Variants in NDNF observed in about 807,000 individuals in gnomAD.
NDNF encodes neuron derived neurotrophic factor, also known as protein NDNF.
In NDNF, 16 loss-of-function variants were observed where a neutral mutation model predicts 42.0. The observed-to-expected ratio is 0.38, with a 90% CI of 0.26 to 0.58. The LOEUF is 0.58. Ranked by LOEUF, NDNF falls within the 20% of genes least tolerant of loss-of-function variation. The pLI, the probability that NDNF is intolerant of heterozygous loss-of-function variation, is 0.67. For synonymous variants in NDNF, 248 were observed against 251.7 expected (o/e 0.99, Z 0.14); for missense variants, 616 against 666.2 (o/e 0.92, Z 0.83).
intron 1 of NDNF, among the ~76,000 whole-genome samples, chr4:121,065,947 TAATTA>T (rs1352466132): frequency 6.6e-6 from 1 of 152,040 alleles, no homozygotes; most frequent in East Asian, 1.9e-4. Flanking sequence ...AAATATAAAT[TAATTA>T]ATGTAAAAGT....
At chr4:121,043,620 T>C (rs1443067255) in intron 2 of NDNF, among the ~76,000 whole-genome samples, 1 of 151,724 alleles carries the variant, frequency 6.6e-6, no homozygotes, top group East Asian at 1.9e-4. Flanking sequence ...AAGTGTAATT[T>C]CTAAAACAGC....
At chr4:121,062,561 T>C (rs1420438927) in intron 1 of NDNF, among the ~76,000 whole-genome samples, 1 of 152,194 alleles carries the variant, frequency 6.6e-6, no homozygotes, top group Non-Finnish European at 1.5e-5. Context: ...GATGAAATAA[T>C]ACAAGCATGT....
intron 3 of NDNF, 166 bp from the exon 4 acceptor site, chr4:121,037,823 T>C (rs1726905814): frequency 1.9e-6 from 1 of 534,130 alleles, no homozygotes; most frequent in African/African-American, 1.9e-5. Context: ...TTGACCATTA[T>C]ACATAATGTT....
intron 1 of NDNF, among the ~76,000 whole-genome samples, chr4:121,051,298 T>C (rs1727190013): frequency 6.6e-6 from 1 of 152,196 alleles, no homozygotes; most frequent in African/African-American, 2.4e-5. Context: ...TTTTTATTGT[T>C]CTGCAAGGAG....
intron 2 of NDNF, among the ~76,000 whole-genome samples, chr4:121,044,989 C>G (rs1160183736): frequency 6.6e-6 from 1 of 152,206 alleles, no homozygotes; most frequent in East Asian, 1.9e-4. Flanking sequence ...AATGCAAACT[C>G]TTGAAGAATC....
intron 1 of NDNF, among the ~76,000 whole-genome samples, chr4:121,053,928 ATTTAGCTAAGATGGAG>A (rs1727242506): frequency 6.6e-6 from 1 of 152,214 alleles, no homozygotes; most frequent in African/African-American, 2.4e-5. Context: ...CTCTACTGAA[ATTTAGCTAAGATGGAG>A]CATGGCAGCG....
intron 2 of NDNF, among the ~76,000 whole-genome samples, chr4:121,040,745 C>T (rs922519126): frequency 3.3e-5 from 5 of 152,280 alleles, no homozygotes; most frequent in Admixed American, 6.5e-5. Flanking sequence ...TGGGCTCAAA[C>T]GATCCTCCCA....
At chr4:121,044,661 A>G (rs1727057665) in intron 2 of NDNF, among the ~76,000 whole-genome samples, 1 of 152,178 alleles carries the variant, frequency 6.6e-6, no homozygotes, top group Non-Finnish European at 1.5e-5. Context: ...TTGAAGAAAT[A>G]TTATACTCAT....
intron 1 of NDNF, among the ~76,000 whole-genome samples, chr4:121,069,236 G>GCA (rs2148773856): frequency 6.6e-6 from 1 of 152,250 alleles, no homozygotes; most frequent in South Asian, 2.1e-4. Flanking sequence ...CATCGACCTG[G>GCA]TATTGGCAAT....
intron 2 of NDNF, among the ~76,000 whole-genome samples, chr4:121,042,971 G>A (rs1402817123): frequency 6.6e-6 from 1 of 152,146 alleles, no homozygotes; most frequent in Non-Finnish European, 1.5e-5. Context: ...TAAAGCAGCA[G>A]GGAGACCCTC....
chr4:121,050,408 TTTACA>T (rs1052637752), intron 1 of NDNF, among the ~76,000 whole-genome samples: 26 of 152,320 alleles, frequency 1.7e-4, no homozygotes, highest in Admixed American at 1.6e-3. Context: ...AGATTTAAAC[TTTACA>T]TTAAATAACA....
intron 2 of NDNF, among the ~76,000 whole-genome samples, chr4:121,041,591 G>C (rs17353535): frequency 3.3e-5 from 5 of 152,176 alleles, no homozygotes; most frequent in African/African-American, 7.2e-5. Flanking sequence ...CTAAAGCTCC[G>C]ATAGGACTCT....
At chr4:121,040,950 C>T (rs1317240296) in intron 2 of NDNF, among the ~76,000 whole-genome samples, 1 of 152,168 alleles carries the variant, frequency 6.6e-6, no homozygotes, top group Non-Finnish European at 1.5e-5. Context: ...TAGCCCATTT[C>T]ATATCTTTTG....
intron 1 of NDNF, among the ~76,000 whole-genome samples, chr4:121,055,663 T>C (rs778806382): frequency 4.6e-5 from 7 of 151,962 alleles, no homozygotes; most frequent in African/African-American, 1.5e-4. Flanking sequence ...GAAACATAAA[T>C]GAGGAGAGGC....
chr4:121,064,857 T>C (rs563504973), intron 1 of NDNF, among the ~76,000 whole-genome samples: 3 of 152,328 alleles, frequency 2.0e-5, no homozygotes, highest in Admixed American at 6.5e-5. Context: ...GATATAATTG[T>C]ACATTTCAAA....
intron 1 of NDNF, among the ~76,000 whole-genome samples, chr4:121,055,146 C>T (rs1332276135): frequency 1.3e-5 from 2 of 152,074 alleles, no homozygotes; most frequent in Non-Finnish European, 2.9e-5. Flanking sequence ...ACAGAAAGGC[C>T]ATGAAGTGAT....
intron 3 of NDNF, among the ~76,000 whole-genome samples, chr4:121,038,359 G>GATTAAATAAAATAAA (rs1726915699): frequency 7.6e-6 from 1 of 131,106 alleles, no homozygotes; most frequent in African/African-American, 2.8e-5. Flanking sequence ...CTCAAAATAA[G>GATTAAATAAAATAAA]ATAAAATAAA....
At position 121,035,987 on chromosome 4, in the gene NDNF, A is replaced by G. The variant is rs1726856757; in HGVS notation, c.*277T>C. ...AAAATAATTTAGAAGCAGTTCATGC[A>G]GTGGTCAAAGCAAGGAATGGCAAGT... is the stretch of plus-strand genomic sequence containing the variant. On this transcript the variant is annotated 3_prime_UTR_variant, in exon 4 of 4. Coordinates refer to ENST00000379692, the MANE Select transcript of NDNF (RefSeq NM_024574.4). The G allele has an allele frequency of 8.4e-6, 3 of 359,008 alleles. No individual in the cohort carries two copies. Among genetic ancestry groups the G allele is most frequent in the Non-Finnish European group, 1.5e-5 (3 of 200,146 alleles). The allele number at this position is 359,008 out of a possible 1,614,324, so 22.2% of individuals were successfully genotyped here. A position where few individuals can be genotyped will look rare whatever the true frequency, so the allele number is the denominator to read the frequency against.
chr4:121,062,989 G>C (rs1312285495), intron 1 of NDNF, among the ~76,000 whole-genome samples: 1 of 151,766 alleles, frequency 6.6e-6, no homozygotes, highest in East Asian at 1.9e-4. Flanking sequence ...AATTTTAAAG[G>C]GTTTTAAACT....
Sources: allele counts gnomAD v4.1 joint callset (sites outside exome capture counted in the v4.1 genomes callset), GRCh38; gene constraint gnomAD v4.1.1; transcripts MANE v1.5; gene names NCBI Gene and HGNC (gene_info 2026-07-23, HGNC 2026-07-21).